Variants in KIAA0825 observed in about 807,000 individuals in gnomAD.
KIAA0825 encodes the protein KIAA0825.
In KIAA0825, 119 loss-of-function variants were observed where a neutral mutation model predicts 147.6. The observed-to-expected ratio is 0.81, with a 90% CI of 0.69 to 0.94. The LOEUF (loss-of-function observed/expected upper bound fraction) is 0.94, where lower values mean the gene tolerates loss of function less well. Among genes scored for constraint, KIAA0825 ranks in the 40% least tolerant of loss-of-function variants. The pLI is 0.00. For missense variants in KIAA0825, 1,381 were observed against 1,472.7 expected (o/e 0.94, Z 1.02); for synonymous variants, 470 against 518.1 (o/e 0.91, Z 1.26).
chr5:94,440,714 G>A (rs771862989), intron 13 of KIAA0825, among the ~76,000 whole-genome samples: 1 of 151,940 alleles, frequency 6.6e-6, no homozygotes, highest in Non-Finnish European at 1.5e-5. Context: ...AAAGAATTCC[G>A]AGGCAAATAC....
In KIAA0825 at chr5:94,565,095, C is replaced by CTTTTTTTTTTTTTTTTTTTTTTTTTTT. The variant is rs1176429699; in HGVS notation, c.-2+17337_-2+17338insAAAAAAAAAAAAAAAAAAAAAAAAAAA. 5.5e-4 allele frequency among the ~76,000 whole-genome samples: 29 copies of CTTTTTTTTTTTTTTTTTTTTTTTTTTT among 52,924 alleles called. 3 individuals carry two copies. Among genetic ancestry groups the CTTTTTTTTTTTTTTTTTTTTTTTTTTT allele is most frequent in the Non-Finnish European group, 9.9e-4 (27 of 27,326 alleles). The allele number at this position is 52,924 out of a possible 152,430, so 34.7% of individuals were successfully genotyped here. On this transcript the variant is annotated intron_variant, in intron 2 of 20. Coordinates refer to ENST00000682413, the MANE Select transcript of KIAA0825 (RefSeq NM_001145678.3). The stretch of plus-strand genomic sequence containing the variant: ...CTCTTTCTCTCTCTTTCTTGCTTTC[C>CTTTTTTTTTTTTTTTTTTTTTTTTTTT]TTTTTTTTTTTTTTTTTTGGTAGAG...
At chr5:94,224,124 C>T (rs1179119402) in intron 20 of KIAA0825, among the ~76,000 whole-genome samples, 1 of 103,712 alleles carries the variant, frequency 9.6e-6, no homozygotes, top group African/African-American at 3.7e-5. Context: ...GAAAGAGTCT[C>T]GCTCTGTCAC....
rs138434632 is a variant in KIAA0825 at position 94,277,243 on chromosome 5, G to C, written c.3710+107125C>G. Among the ~76,000 whole-genome samples, 30 of 152,180 alleles carry C rather than the reference G, an allele frequency of 2.0e-4. No homozygotes were observed. In the Middle Eastern group the frequency reaches 0.014, roughly 69 times the overall value. On this transcript the variant is annotated intron_variant, in intron 20 of 20. Coordinates refer to ENST00000682413, the MANE Select transcript of KIAA0825 (RefSeq NM_001145678.3). The stretch of plus-strand genomic sequence containing the variant: ...GGTACAGTTACTACCTACCTGGTAG[G>C]TAAGTAAGACAAATGGGATCTAATT...
intron 20 of KIAA0825, among the ~76,000 whole-genome samples, chr5:94,292,532 T>TTATTGAGGTTTATC (rs1184185461): frequency 4.6e-5 from 7 of 150,984 alleles, no homozygotes; most frequent in Non-Finnish European, 8.9e-5. Context: ...AGGATTTTAT[T>TTATTGAGGTTTATC]GAGGATTTAT....
At chr5:94,594,313 A>G in intron 1 of KIAA0825, 1 of 662,002 alleles carries the variant, frequency 1.5e-6, no homozygotes. Context: ...TGCTTCTGTC[A>G]GCAATATAAT....
chr5:94,389,831 A>T (rs1007855488), intron 18 of KIAA0825, among the ~76,000 whole-genome samples: 65 of 152,184 alleles, frequency 4.3e-4, no homozygotes, highest in Non-Finnish European at 8.2e-4. Context: ...TACAAGGCAA[A>T]GGTACCTTTC....
At chr5:94,266,127 T>C (rs75908011) in intron 20 of KIAA0825, among the ~76,000 whole-genome samples, 7,112 of 152,266 alleles carry the variant, frequency 0.047, 225 homozygotes, top group Middle Eastern at 0.088. Flanking sequence ...AGTAAAACTG[T>C]CATTTCAAGG....
At chr5:94,388,018 C>T (rs961273032) in intron 18 of KIAA0825, among the ~76,000 whole-genome samples, 2 of 152,110 alleles carry the variant, frequency 1.3e-5, no homozygotes, top group South Asian at 2.1e-4. Context: ...AGCAGCAGTC[C>T]GCAATCTTTT....
intron 2 of KIAA0825, among the ~76,000 whole-genome samples, chr5:94,565,094 C>CTTTTTTTTTTTTTTT (rs1285299381): frequency 2.3e-4 from 12 of 51,884 alleles, no homozygotes; most frequent in Non-Finnish European, 3.2e-4. Context: ...TTCTTGCTTT[C>CTTTTTTTTTTTTTTT]CTTTTTTTTT....
chr5:94,410,970 T>G (rs944278804), intron 15 of KIAA0825, among the ~76,000 whole-genome samples: 2 of 152,148 alleles, frequency 1.3e-5, no homozygotes, highest in South Asian at 4.1e-4. Context: ...TTTCCCATTT[T>G]TAATTTCTTT....
At position 94,401,713 on chromosome 5, in the gene KIAA0825, T is replaced by C. The variant is rs574751914; in HGVS notation, c.2887+1856A>G. 3.3e-5 allele frequency among the ~76,000 whole-genome samples: 5 copies of C among 152,242 alleles called. No homozygotes were observed. In the East Asian group the frequency reaches 7.7e-4, roughly 24 times the overall value. ...TGTCTCTTCTCATACACCAAAAAAT[T>C]GTACATCTCTTATTTGTACCCATTT... On this transcript the variant is annotated intron_variant, in intron 16 of 20. Transcript: ENST00000682413.
intron 20 of KIAA0825, among the ~76,000 whole-genome samples, chr5:94,189,155 T>C (rs567730444): frequency 2.0e-4 from 30 of 152,320 alleles, no homozygotes; most frequent in African/African-American, 6.5e-4. Flanking sequence ...TCTTTATACA[T>C]GTTGGATTCG....
chr5:94,535,132 A>G (rs930556293), intron 3 of KIAA0825, among the ~76,000 whole-genome samples: 25 of 152,146 alleles, frequency 1.6e-4, no homozygotes, highest in Admixed American at 1.2e-3. Context: ...CAAATTAAAA[A>G]TAAGAAGTTT....
intron 20 of KIAA0825, among the ~76,000 whole-genome samples, chr5:94,247,047 A>G (rs1220151792): frequency 6.6e-6 from 1 of 152,130 alleles, no homozygotes; most frequent in African/African-American, 2.4e-5. Flanking sequence ...AATAAATAAG[A>G]AAGTTCATTC....
intron 12 of KIAA0825, among the ~76,000 whole-genome samples, chr5:94,456,475 T>G (rs1293904699): frequency 6.6e-6 from 1 of 152,192 alleles, no homozygotes; most frequent in African/African-American, 2.4e-5. Flanking sequence ...CCTTTCCATT[T>G]ACTTTTTTAT....
At chr5:94,340,934 A>G (rs1330779011) in intron 20 of KIAA0825, among the ~76,000 whole-genome samples, 1 of 152,232 alleles carries the variant, frequency 6.6e-6, no homozygotes, top group African/African-American at 2.4e-5. Flanking sequence ...GAGAAAGAAC[A>G]TGGTCTTCAT....
At chr5:94,236,523 T>C (rs1207603666) in intron 20 of KIAA0825, among the ~76,000 whole-genome samples, 2 of 152,212 alleles carry the variant, frequency 1.3e-5, no homozygotes, top group Non-Finnish European at 2.9e-5. Flanking sequence ...ACAAAGAATT[T>C]AGAATATTTC....
rs1037943876 is a variant in KIAA0825, at chr5:94,225,242, G to A, written c.3711-71118C>T. Among the ~76,000 whole-genome samples the A allele has an allele frequency of 3.5e-4, 53 of 152,178 alleles. 1 individual carries two copies. Among genetic ancestry groups the A allele is most frequent in the African/African-American group, 1.1e-3 (44 of 41,532 alleles). On this transcript the variant is annotated intron_variant, in intron 20 of 20. Coordinates refer to ENST00000682413, the MANE Select transcript of KIAA0825 (RefSeq NM_001145678.3). ...ATGAACAGAGGAGAATAAAGTTATC[G>A]AAGCATAAATTTAAGAGTAAAAAAA...
intron 13 of KIAA0825, among the ~76,000 whole-genome samples, chr5:94,447,703 TA>T (rs1757911274): frequency 6.6e-6 from 1 of 152,106 alleles, no homozygotes; most frequent in Non-Finnish European, 1.5e-5. Flanking sequence ...ACATAGCATG[TA>T]ATATGAATAT....
Sources: gnomAD v4.1 joint callset for allele counts (sites outside exome capture counted in the v4.1 genomes callset) on GRCh38, gnomAD v4.1.1 for gene constraint, MANE v1.5 for transcripts, NCBI Gene and HGNC (gene_info 2026-07-23, HGNC 2026-07-21) for gene names.